The following SLCO3A1 variants were observed in gnomAD, a reference collection of about 807,000 sequenced individuals.
The protein encoded by SLCO3A1 is PGE1 transporter.
A neutral mutation model predicts 63.1 loss-of-function variants in SLCO3A1; 27 were observed. The ratio of observed to expected loss-of-function variants is 0.43; its 90% confidence interval spans 0.32 to 0.59. The LOEUF (loss-of-function observed/expected upper bound fraction) is 0.59, where lower values mean the gene tolerates loss of function less well. Among genes scored for constraint, SLCO3A1 ranks in the 20% least tolerant of loss-of-function variants. The pLI is 0.09. For missense variants in SLCO3A1, 773 were observed against 945.8 expected, an observed-to-expected ratio of 0.82 and a Z score of 2.40; for synonymous variants, 473 against 409.9, an observed-to-expected ratio of 1.15 and a Z score of -1.86.
rs373898701 is a variant in SLCO3A1 at position 91,979,752 on chromosome 15, C to T, written c.646+63294C>T. 1.2e-4 allele frequency among the ~76,000 whole-genome samples: 18 copies of T among 152,268 alleles called. No homozygotes were observed. In the East Asian group the frequency reaches 1.7e-3, roughly 15 times the overall value. ...TGTCCTAAGTACAACTGTGACTCTT[C>T]GGTATACAATGCATGTCAAGTGCTT... On this transcript the variant is annotated intron_variant, in intron 2 of 9. Coordinates refer to ENST00000318445, the MANE Select transcript of SLCO3A1 (RefSeq NM_013272.4).
intron 2 of SLCO3A1, among the ~76,000 whole-genome samples, chr15:91,997,620 C>T (rs1270816119): frequency 1.3e-5 from 2 of 152,136 alleles, no homozygotes; most frequent in African/African-American, 4.8e-5. Flanking sequence ...GCTATAAAGA[C>T]ATAATAACCA....
downstream of SLCO3A1, chr15:92,165,968 G>A: frequency 8.1e-6 from 7 of 863,736 alleles, no homozygotes; most frequent in Non-Finnish European, 9.7e-6. Context: ...GCCCAGGGTG[G>A]ATGAAAAGTC....
At chr15:92,141,228 C>T (rs1310356971) in intron 7 of SLCO3A1, among the ~76,000 whole-genome samples, 1 of 152,186 alleles carries the variant, frequency 6.6e-6, no homozygotes, top group Non-Finnish European at 1.5e-5. Context: ...CAGAGAATGG[C>T]AAACCAGGAA....
intron 3 of SLCO3A1, among the ~76,000 whole-genome samples, chr15:92,097,294 C>T (rs1327395093): frequency 6.6e-6 from 1 of 152,206 alleles, no homozygotes; most frequent in African/African-American, 2.4e-5. Flanking sequence ...CTCTATAAAA[C>T]CCCGATCTCC....
At position 91,931,716 on chromosome 15, in the gene SLCO3A1, C is replaced by T. The variant is rs147249164; in HGVS notation, c.646+15258C>T. ...CAGCTCTTGACCTCAGGTGATCCACCTGCCTCAGCCTCCCAAAGTGCTGGG... is the reference window on the plus strand; with the variant it reads ...CAGCTCTTGACCTCAGGTGATCCACTTGCCTCAGCCTCCCAAAGTGCTGGG... On this transcript the variant is annotated intron_variant, in intron 2 of 9. Transcript: ENST00000318445. Among the ~76,000 whole-genome samples the T allele has an allele frequency of 9.1e-3, 1,378 of 151,990 alleles. 7 individuals carry two copies. Among genetic ancestry groups the T allele is most frequent in the African/African-American group, 0.032 (1,319 of 41,438 alleles).
At chr15:91,990,041 T>G (rs1450058712) in intron 2 of SLCO3A1, among the ~76,000 whole-genome samples, 3 of 152,222 alleles carry the variant, frequency 2.0e-5, no homozygotes, top group Non-Finnish European at 4.4e-5. Context: ...TATTTTCAAA[T>G]GCATTGCTTA....
chr15:91,958,294 T>A lies in SLCO3A1; in HGVS notation c.646+41836T>A, dbSNP rs548373952. 2.6e-5 allele frequency among the ~76,000 whole-genome samples: 4 copies of A among 152,270 alleles called. No individual in the cohort carries two copies. In the South Asian group the frequency reaches 8.3e-4, roughly 32 times the overall value. ...TTACTGTGTGTGTTGGGGTGGAGGG[T>A]GACCCTGTCGCCTGTGTTATTCCAG... is the stretch of plus-strand genomic sequence containing the variant. On this transcript the variant is annotated intron_variant, in intron 2 of 9. Coordinates refer to ENST00000318445, the MANE Select transcript of SLCO3A1 (RefSeq NM_013272.4).
intron 2 of SLCO3A1, among the ~76,000 whole-genome samples, chr15:92,075,622 G>A (rs2047267292): frequency 6.6e-6 from 1 of 152,236 alleles, no homozygotes; most frequent in African/African-American, 2.4e-5. Context: ...CTTTCAGACA[G>A]ATAGTTTGGC....
intron 2 of SLCO3A1, among the ~76,000 whole-genome samples, chr15:91,989,925 G>A (rs138983880): frequency 6.6e-6 from 1 of 152,328 alleles, no homozygotes; most frequent in Non-Finnish European, 1.5e-5. Context: ...TTATGAGAAT[G>A]AAAACTTCTT....
Position 91,950,348 on chromosome 15 carries a change from G to T in SLCO3A1, c.646+33890G>T, listed in dbSNP as rs751459487. Reference sequence around the variant, plus strand: ...AGACAGCCAGTCGTGTTGCACGTGGGACAGGGGCCCTGGCTGGGCAGGCAG... The same window carrying T: ...AGACAGCCAGTCGTGTTGCACGTGGTACAGGGGCCCTGGCTGGGCAGGCAG... On this transcript the variant is annotated intron_variant, in intron 2 of 9. Transcript: ENST00000318445. This position sits in a 1 kb window ranked among gnomAD's most constrained non-coding sequence, Gnocchi z 4.4. Among the ~76,000 whole-genome samples, 1 of 152,190 alleles carries T rather than the reference G, an allele frequency of 6.6e-6. No homozygotes were observed. The highest frequency in any genetic ancestry group is 1.5e-5 in the Non-Finnish European group (1 of 68,030).
Position 92,126,224 on chromosome 15 carries a change from C to T in SLCO3A1, c.1338C>T (p.Gly446=). Residue 446 remains glycine, a synonymous_variant, in exon 6 of 10, where the codon GGC becomes GGT. Coordinates refer to ENST00000318445, the MANE Select transcript of SLCO3A1 (RefSeq NM_013272.4). ...VSFLFLGCDT[G]PVAGVTVPYG... ...TCCTCTTCCTGGGCTGCGACACTGG[C>T]CCTGTGGCTGGGGTTACTGTTCCCT... The T allele has an allele frequency of 1.9e-6, 3 of 1,614,028 alleles. No individual in the cohort carries two copies. The highest frequency in any genetic ancestry group is 1.1e-5 in the South Asian group (1 of 91,074).
At chr15:92,140,892 T>A (rs1333434372) in intron 7 of SLCO3A1, among the ~76,000 whole-genome samples, 1 of 152,176 alleles carries the variant, frequency 6.6e-6, no homozygotes, top group African/African-American at 2.4e-5. Flanking sequence ...CTTTAACCAG[T>A]CTCTTATCAA....
chr15:92,024,544 C>G (rs1438574126), intron 2 of SLCO3A1, among the ~76,000 whole-genome samples: 1 of 152,142 alleles, frequency 6.6e-6, no homozygotes, highest in Non-Finnish European at 1.5e-5. Flanking sequence ...ATTCATCCAC[C>G]CACTCATGTC....
At chr15:92,126,405 G>A (rs1371911019) in intron 6 of SLCO3A1, 146 bp downstream of exon 6, 3 of 657,578 alleles carry the variant, frequency 4.6e-6, no homozygotes, top group Non-Finnish European at 8.0e-6. Context: ...GTCCACGTTG[G>A]AGAATCAGTA....
intron 2 of SLCO3A1, among the ~76,000 whole-genome samples, chr15:92,040,098 G>A (rs1397636611): frequency 6.6e-6 from 1 of 152,140 alleles, no homozygotes; most frequent in Non-Finnish European, 1.5e-5. Flanking sequence ...GTTAATGCAT[G>A]TGGGGCTTAA....
chr15:92,145,330 G>A (rs2048207043), intron 7 of SLCO3A1, among the ~76,000 whole-genome samples: 1 of 152,154 alleles, frequency 6.6e-6, no homozygotes, highest in Non-Finnish European at 1.5e-5. Flanking sequence ...GAGGAGGAGT[G>A]GCATTTTAAG....
At chr15:92,009,461 C>G (rs1474803750) in intron 2 of SLCO3A1, among the ~76,000 whole-genome samples, 1 of 152,152 alleles carries the variant, frequency 6.6e-6, no homozygotes, top group Non-Finnish European at 1.5e-5. Context: ...AAAGCCAACT[C>G]GAGAATGTCT....
At chr15:92,131,260 T>A (rs547807615) in intron 7 of SLCO3A1, among the ~76,000 whole-genome samples, 1 of 152,264 alleles carries the variant, frequency 6.6e-6, no homozygotes, top group South Asian at 2.1e-4. Context: ...TCCACCTTTT[T>A]TCTACCTCTT....
rs61664916 is a variant in SLCO3A1 at position 91,880,098 on chromosome 15, TGTCCGTCCGTCCGTCCGTCC to T, written c.180+26027_180+26046del. On this transcript the variant is annotated intron_variant, in intron 1 of 9. Coordinates refer to ENST00000318445, the MANE Select transcript of SLCO3A1 (RefSeq NM_013272.4). Reference sequence around the variant, plus strand: ...ATGCTCCTCAACCTGCTTGTATGTGTGTCCGTCCGTCCGTCCGTCCGTCCGTCCGTCCGTCCATCCATCCA... The same window carrying T: ...ATGCTCCTCAACCTGCTTGTATGTGTGTCCGTCCGTCCGTCCATCCATCCA... 4.5e-3 allele frequency among the ~76,000 whole-genome samples: 442 copies of T among 97,818 alleles called. 2 individuals are homozygous for T. The highest frequency in any genetic ancestry group is 0.012 in the African/African-American group (338 of 27,958). 64.2% of individuals were successfully genotyped at this position (97,818 alleles called of 152,430 possible).
Sources: allele counts gnomAD v4.1 joint callset (sites outside exome capture counted in the v4.1 genomes callset), GRCh38; gene constraint gnomAD v4.1.1; non-coding constraint Gnocchi (gnomAD v3.1); transcripts MANE v1.5; gene names NCBI Gene and HGNC (gene_info 2026-07-23, HGNC 2026-07-21).